KCNT2: variants seen among roughly 807,000 people sequenced by gnomAD.
KCNT2 encodes the protein potassium sodium-activated channel subfamily T member 2.
KCNT2 carries 67 observed loss-of-function variants against 153.8 expected under a neutral mutation model. The ratio of observed to expected loss-of-function variants is 0.44; its 90% confidence interval spans 0.36 to 0.53. KCNT2 has a LOEUF of 0.53. KCNT2 is among the 20% of genes least tolerant of loss of function. The pLI is 0.00. For synonymous variants in KCNT2, 500 were observed against 458.8 expected, an observed-to-expected ratio of 1.09 and a Z score of -1.15; for missense variants, 975 against 1,354.8, an observed-to-expected ratio of 0.72 and a Z score of 4.40.
intron 25 of KCNT2, among the ~76,000 whole-genome samples, chr1:196,272,973 C>T (rs550144703): frequency 1.3e-5 from 2 of 151,870 alleles, no homozygotes; most frequent in Admixed American, 6.6e-5. Context: ...AGACGTCTCA[C>T]TATAATATTA....
At chr1:196,284,899 A>G (rs1659515677) in intron 23 of KCNT2, among the ~76,000 whole-genome samples, 1 of 152,206 alleles carries the variant, frequency 6.6e-6, no homozygotes. Flanking sequence ...AAGCAAAAAG[A>G]ATAGGTACAA....
chr1:196,442,065 T>G (rs1413370888), intron 8 of KCNT2, among the ~76,000 whole-genome samples: 1 of 151,702 alleles, frequency 6.6e-6, no homozygotes, highest in Non-Finnish European at 1.5e-5. Context: ...AATCATCACT[T>G]TCGTCTGGAA....
chr1:196,584,168 G>GATAAAATAAAATAAAACAAAATAAA, intron 1 of KCNT2, among the ~76,000 whole-genome samples: 1 of 141,064 alleles, frequency 7.1e-6, no homozygotes, highest in Non-Finnish European at 1.5e-5. Context: ...CTGGAATTAA[G>GATAAAATAAAATAAAACAAAATAAA]ATAAAATAAA....
At chr1:196,548,997 G>A (rs1222914049) in intron 1 of KCNT2, among the ~76,000 whole-genome samples, 2 of 150,032 alleles carry the variant, frequency 1.3e-5, no homozygotes, top group African/African-American at 2.5e-5. Context: ...ACACTCTGGG[G>A]ACTGTTGTGG....
At chr1:196,278,993 ATG>A (rs1000550843) in intron 25 of KCNT2, among the ~76,000 whole-genome samples, 1 of 152,158 alleles carries the variant, frequency 6.6e-6, no homozygotes, top group African/African-American at 2.4e-5. Flanking sequence ...CAGTGAGAAG[ATG>A]CCTATCTGAG....
chr1:196,361,156 T>C (rs1667586141), intron 14 of KCNT2, among the ~76,000 whole-genome samples: 3 of 151,658 alleles, frequency 2.0e-5, no homozygotes, highest in South Asian at 2.1e-4. Flanking sequence ...CCGGTTGAGT[T>C]AGCCAGATAA....
intron 27 of KCNT2, among the ~76,000 whole-genome samples, chr1:196,230,835 A>G (rs1653889172): frequency 6.6e-6 from 1 of 152,010 alleles, no homozygotes; most frequent in African/African-American, 2.4e-5. Context: ...AACATTGTTG[A>G]AATGACTGTA....
intron 13 of KCNT2, among the ~76,000 whole-genome samples, chr1:196,385,706 A>G (rs1252621937): frequency 1.3e-5 from 2 of 151,834 alleles, no homozygotes; most frequent in Non-Finnish European, 2.9e-5. Flanking sequence ...CACATTCTGG[A>G]GACAGAGAAT....
At chr1:196,326,150 A>G (rs1223600295) in intron 19 of KCNT2, among the ~76,000 whole-genome samples, 2 of 152,120 alleles carry the variant, frequency 1.3e-5, no homozygotes, top group African/African-American at 4.8e-5. Flanking sequence ...AGAATTTTGA[A>G]TTGCTTAAGT....
In KCNT2 at chr1:196,258,348, T is replaced by C; in HGVS notation, c.3057A>G (p.Arg1019=). Residue 1019 remains arginine (R), a synonymous_variant, in exon 26 of 28, where the codon CGA becomes CGG. Coordinates refer to ENST00000294725, the MANE Select transcript of KCNT2 (RefSeq NM_198503.5). ...LLRRKSMQWA[R]RLSRKGPKHS... is the part of the protein sequence containing the mutation. Reference sequence around the variant, plus strand: ...GTTTTGGGCCTTTTCTGCTCAGTCTTCGGGCCCACTGCATGCTTTTTCTCC... The same window carrying C: ...GTTTTGGGCCTTTTCTGCTCAGTCTCCGGGCCCACTGCATGCTTTTTCTCC... 6.2e-7 allele frequency: 1 copy of C among 1,614,040 alleles called. No individual in the cohort carries two copies. The highest frequency in any genetic ancestry group is 8.5e-7 in the Non-Finnish European group (1 of 1,179,974).
chr1:196,334,496 T>TTTTTTTTTTTTTTTTTTTTA (rs1302327018), intron 16 of KCNT2, among the ~76,000 whole-genome samples: 2 of 142,864 alleles, frequency 1.4e-5, no homozygotes, highest in African/African-American at 2.6e-5. Context: ...TCTTTTTTTT[T>TTTTTTTTTTTTTTTTTTTTA]TTTAAGACAG....
intron 16 of KCNT2, among the ~76,000 whole-genome samples, chr1:196,334,651 T>C (rs1037215071): frequency 2.6e-5 from 4 of 151,878 alleles, no homozygotes; most frequent in African/African-American, 9.7e-5. Context: ...ACTACTAATA[T>C]GTTATACTTA....
chr1:196,469,429 G>T (rs1185177719), intron 5 of KCNT2, among the ~76,000 whole-genome samples: 1 of 152,006 alleles, frequency 6.6e-6, no homozygotes, highest in Non-Finnish European at 1.5e-5. Flanking sequence ...CTATAATAAT[G>T]ATATTCACTA....
chr1:196,362,775 T>A (rs972599473), intron 14 of KCNT2, among the ~76,000 whole-genome samples: 2 of 152,112 alleles, frequency 1.3e-5, no homozygotes, highest in African/African-American at 4.8e-5. Flanking sequence ...TTTTGTAGGA[T>A]GCTCTCAATA....
chr1:196,359,417 T>C (rs1011081803), intron 14 of KCNT2, among the ~76,000 whole-genome samples: 10 of 151,914 alleles, frequency 6.6e-5, no homozygotes, highest in African/African-American at 2.4e-4. Context: ...ATCAATGGAG[T>C]CTCATGAGAG....
At chr1:196,295,007 ATGTAT>A (rs1660552065) in intron 22 of KCNT2, among the ~76,000 whole-genome samples, 1 of 151,670 alleles carries the variant, frequency 6.6e-6, no homozygotes, top group South Asian at 2.1e-4. Context: ...ATAAATAATA[ATGTAT>A]TGTATATTTC....
chr1:196,446,816 T>C (rs1420042636), intron 8 of KCNT2, among the ~76,000 whole-genome samples: 1 of 151,574 alleles, frequency 6.6e-6, no homozygotes, highest in African/African-American at 2.4e-5. Context: ...TTAACTAAGC[T>C]ATACTGTCTT....
chr1:196,608,421 A>C lies in KCNT2; in HGVS notation c.-112T>G. ...ACTAACAAGACGCTGTGGCCGAGAG[A>C]GGGATGGGAGAAGGGGAAGGGGACA... On this transcript the variant is annotated 5_prime_UTR_variant, in exon 1 of 28. Coordinates refer to ENST00000294725, the MANE Select transcript of KCNT2 (RefSeq NM_198503.5). 1.6e-6 allele frequency: 1 copy of C among 628,900 alleles called. No individual in the cohort carries two copies. The allele number at this position is 628,900 out of a possible 1,614,324, so 39.0% of individuals were successfully genotyped here.
chr1:196,300,481 A>G (rs1299044603), intron 22 of KCNT2, among the ~76,000 whole-genome samples: 1 of 152,094 alleles, frequency 6.6e-6, no homozygotes, highest in East Asian at 1.9e-4. Flanking sequence ...CTGACCTTCC[A>G]CTGAAATTAG....
Sources: allele counts gnomAD v4.1 joint callset (sites outside exome capture counted in the v4.1 genomes callset), GRCh38; gene constraint gnomAD v4.1.1; transcripts MANE v1.5; gene names NCBI Gene and HGNC (gene_info 2026-07-23, HGNC 2026-07-21).